The following FAM110B variants were observed in gnomAD, a reference collection of about 807,000 sequenced individuals.
FAM110B encodes the protein protein FAM110B.
FAM110B carries 6 observed loss-of-function variants against 20.4 expected under a neutral mutation model. The observed-to-expected ratio is 0.29, with a 90% CI of 0.16 to 0.58. FAM110B has a LOEUF of 0.58. FAM110B is among the 20% of genes least tolerant of loss of function. The pLI, the probability that FAM110B is intolerant of heterozygous loss-of-function variation, is 0.90. For missense variants in FAM110B, 434 were observed against 498.2 expected (o/e 0.87, Z 1.23); for synonymous variants, 226 against 214.1 (o/e 1.06, Z -0.49).
At chr8:58,011,521 C>A (rs569680809) in intron 1 of FAM110B, among the ~76,000 whole-genome samples, 2 of 152,136 alleles carry the variant, frequency 1.3e-5, no homozygotes, top group Non-Finnish European at 2.9e-5. Context: ...AAAGTGAACA[C>A]GAGATGTATG....
At chr8:58,120,218 T>A (rs1478663215) in intron 3 of FAM110B, among the ~76,000 whole-genome samples, 2 of 152,266 alleles carry the variant, frequency 1.3e-5, no homozygotes, top group Non-Finnish European at 2.9e-5. Context: ...TACAGTTTTC[T>A]TAATGAGATT....
At chr8:58,083,996 G>A (rs758889676) in intron 3 of FAM110B, among the ~76,000 whole-genome samples, 3 of 152,112 alleles carry the variant, frequency 2.0e-5, no homozygotes, top group Admixed American at 6.5e-5. Flanking sequence ...TGGTTGATCC[G>A]GATCAATGGC....
rs754355660 is a variant in FAM110B at position 58,147,367 on chromosome 8, C to T, written c.*24C>T. 3 of 1,598,584 alleles carry T rather than the reference C, an allele frequency of 1.9e-6. No individual in the cohort carries two copies. The highest frequency in any genetic ancestry group is 1.1e-5 in the South Asian group (1 of 87,838). Reference sequence around the variant, plus strand: ...AAGACAGTGCGTGGAAAGGAGGGAGCGTGGGTCTCTGTGCTTACGCAGTTG... The same window carrying T: ...AAGACAGTGCGTGGAAAGGAGGGAGTGTGGGTCTCTGTGCTTACGCAGTTG... On this transcript the variant is annotated 3_prime_UTR_variant, in exon 4 of 4. Transcript: ENST00000519262.
intron 3 of FAM110B, among the ~76,000 whole-genome samples, chr8:58,118,842 C>A (rs868539034): frequency 1.3e-5 from 2 of 152,150 alleles, no homozygotes; most frequent in African/African-American, 4.8e-5. Flanking sequence ...AGGTAGCAGT[C>A]CTCATAATGA....
At chr8:58,142,941 T>C (rs1366195412) in intron 3 of FAM110B, among the ~76,000 whole-genome samples, 1 of 152,238 alleles carries the variant, frequency 6.6e-6, no homozygotes, top group Non-Finnish European at 1.5e-5. Context: ...TCAGGGGGCC[T>C]GTTCAGGACA....
intron 3 of FAM110B, among the ~76,000 whole-genome samples, chr8:58,118,401 T>A (rs982808121): frequency 2.6e-5 from 4 of 152,218 alleles, no homozygotes; most frequent in African/African-American, 7.2e-5. Flanking sequence ...GATTTCACTC[T>A]TCCCATCCCA....
chr8:58,091,486 T>C (rs756831009), intron 3 of FAM110B: 7 of 152,180 alleles, frequency 4.6e-5, no homozygotes, highest in Non-Finnish European at 8.8e-5. Context: ...GGGTTTTGGC[T>C]CAGCCCTCCT....
At chr8:58,139,018 G>C (rs1490589699) in intron 3 of FAM110B, among the ~76,000 whole-genome samples, 1 of 152,200 alleles carries the variant, frequency 6.6e-6, no homozygotes, top group African/African-American at 2.4e-5. Context: ...TGCTGAAAAA[G>C]TGGAGAAATG....
intron 3 of FAM110B, among the ~76,000 whole-genome samples, chr8:58,090,366 G>T (rs1187454254): frequency 6.6e-6 from 1 of 152,184 alleles, no homozygotes; most frequent in African/African-American, 2.4e-5. Context: ...TCACCGTGTT[G>T]CCCAGGCTGG....
intron 1 of FAM110B, among the ~76,000 whole-genome samples, chr8:58,010,853 A>G (rs1385777331): frequency 6.6e-6 from 1 of 152,218 alleles, no homozygotes; most frequent in Non-Finnish European, 1.5e-5. Flanking sequence ...TAGAAAATTC[A>G]TTTATGTGAA....
In FAM110B at chr8:58,146,911, G is replaced by T. The variant is rs1163611943; in HGVS notation, c.681G>T (p.Lys227Asn). 9 of 1,614,050 alleles carry T rather than the reference G, an allele frequency of 5.6e-6. No homozygotes were observed. In the South Asian group the frequency reaches 7.7e-5, roughly 14 times the overall value. The change falls in exon 4 of 4, where the codon AAG becomes AAT. Residue 227 changes from lysine (K) to asparagine (N), a missense_variant. Lys to Asn is a moderately conservative substitution (Grantham distance 94, BLOSUM62 0). Coordinates refer to ENST00000519262, the MANE Select transcript of FAM110B (RefSeq NM_001377989.1). ...CSSSAPPLPP[K>N]PKIAAIASMK... ...GCTCTGCCCCTCCCCTGCCTCCCAA[G>T]CCCAAAATCGCAGCCATCGCCTCCA...
intron 2 of FAM110B, chr8:58,070,210 A>G (rs1805860853): frequency 6.6e-6 from 1 of 152,250 alleles, no homozygotes; most frequent in Admixed American, 6.5e-5. Context: ...TTTATGCTGC[A>G]TTAGAGACAT....
chr8:58,138,157 A>AT (rs953746176), intron 3 of FAM110B, among the ~76,000 whole-genome samples: 2 of 152,182 alleles, frequency 1.3e-5, no homozygotes, highest in Non-Finnish European at 2.9e-5. Context: ...GTGGGAATCA[A>AT]TGTCCCCTGG....
chr8:58,119,981 A>G (rs1281587229), intron 3 of FAM110B, among the ~76,000 whole-genome samples: 2 of 152,202 alleles, frequency 1.3e-5, no homozygotes, highest in Non-Finnish European at 2.9e-5. Context: ...CCCAGGGCCA[A>G]GCCAAGGTCG....
At chr8:58,088,258 T>G (rs1585875507) in intron 3 of FAM110B, among the ~76,000 whole-genome samples, 2 of 152,344 alleles carry the variant, frequency 1.3e-5, no homozygotes, top group South Asian at 4.1e-4. Flanking sequence ...AACTTTATTT[T>G]GCTTCATTCA....
At chr8:58,062,762 G>T (rs1184009973) in intron 2 of FAM110B, among the ~76,000 whole-genome samples, 1 of 152,156 alleles carries the variant, frequency 6.6e-6, no homozygotes, top group African/African-American at 2.4e-5. Flanking sequence ...TATATCCAAA[G>T]AAATTATTTT....
At chr8:58,023,169 A>G (rs940948704) in intron 1 of FAM110B, among the ~76,000 whole-genome samples, 5 of 145,062 alleles carry the variant, frequency 3.4e-5, no homozygotes, top group African/African-American at 1.4e-4. Context: ...GTACTATTAC[A>G]TAATTTTTAT....
At chr8:58,044,794 T>C (rs2150578089) in intron 2 of FAM110B, among the ~76,000 whole-genome samples, 1 of 152,310 alleles carries the variant, frequency 6.6e-6, no homozygotes, top group East Asian at 1.9e-4. Flanking sequence ...ATGAAGAGCA[T>C]TGTGGTTAAA....
chr8:58,018,809 AATAGATAG>A (rs59685703), intron 1 of FAM110B, among the ~76,000 whole-genome samples: 4,465 of 148,030 alleles, frequency 0.03, 187 homozygotes, highest in African/African-American at 0.092. Flanking sequence ...TAGGGATTAC[AATAGATAG>A]ATAGATAGAT....
Sources: gnomAD v4.1 joint callset for allele counts (sites outside exome capture counted in the v4.1 genomes callset) on GRCh38, gnomAD v4.1.1 for gene constraint, MANE v1.5 for transcripts, NCBI Gene and HGNC (gene_info 2026-07-23, HGNC 2026-07-21) for gene names.